The following ACCSL variants were observed in gnomAD, a reference collection of about 807,000 sequenced individuals.
ACCSL encodes probable inactive 1-aminocyclopropane-1-carboxylate synthase-like protein 2.
Under a neutral mutation model 61.7 loss-of-function variants are expected in ACCSL, and 55 were observed. The observed-to-expected ratio is 0.89, with a 90% CI of 0.72 to 1.12. ACCSL has a LOEUF of 1.12. ACCSL is among the 50% of genes most tolerant of loss of function. ACCSL has a pLI of 0.00. For missense variants in ACCSL, 632 were observed against 698.0 expected (o/e 0.91, Z 1.07); for synonymous variants, 258 against 264.3 (o/e 0.98, Z 0.23).
chr11:43,948,067 C>G, the ACCSL span, among the ~76,000 whole-genome samples: 3 of 152,324 alleles, frequency 2.0e-5, no homozygotes, highest in African/African-American at 7.2e-5. Context: ...GCCATCCCAG[C>G]TCTGGCCAAC....
chr11:44,025,421 A>G, the ACCSL span, among the ~76,000 whole-genome samples: 1 of 152,164 alleles, frequency 6.6e-6, no homozygotes, highest in South Asian at 2.1e-4. Context: ...TTTCAATAGT[A>G]TACTATACAA....
the ACCSL span, among the ~76,000 whole-genome samples, chr11:44,012,531 C>T: frequency 6.6e-6 from 1 of 152,160 alleles, no homozygotes; most frequent in Non-Finnish European, 1.5e-5. Flanking sequence ...AGGTGATCCA[C>T]CTGCCTCTGC....
the ACCSL span, among the ~76,000 whole-genome samples, chr11:44,002,409 G>A: frequency 1.7e-4 from 26 of 152,176 alleles, no homozygotes; most frequent in African/African-American, 4.1e-4. Flanking sequence ...GAAGCCCCCC[G>A]CGTGGTTTCT....
the ACCSL span, among the ~76,000 whole-genome samples, chr11:43,958,638 T>C: frequency 6.6e-6 from 1 of 152,236 alleles, no homozygotes; most frequent in South Asian, 2.1e-4. Context: ...ACATTCAGTC[T>C]ATCGGAGGGC....
At position 44,050,129 on chromosome 11, in the gene ACCSL, T is replaced by A; in HGVS notation, c.564+8T>A. 1 of 1,612,636 alleles carries A rather than the reference T, an allele frequency of 6.2e-7. No individual in the cohort carries two copies. Among genetic ancestry groups the A allele is most frequent in the Non-Finnish European group, 8.5e-7 (1 of 1,178,698 alleles). On this transcript the variant is annotated splice_region_variant and intron_variant, in intron 2 of 13. Transcript: ENST00000378832. ...GATCTGATGACTGAAAGAGTAAGGA[T>A]GTTCTGGGCTGTGTTGGGACCCACC...
the ACCSL span, among the ~76,000 whole-genome samples, chr11:43,934,834 C>T: frequency 2.0e-5 from 3 of 152,318 alleles, no homozygotes; most frequent in East Asian, 1.9e-4. Flanking sequence ...CTGTGACTCA[C>T]GCCCAGGTTA....
chr11:43,959,589 G>A, the ACCSL span, among the ~76,000 whole-genome samples: 1 of 152,222 alleles, frequency 6.6e-6, no homozygotes, highest in Non-Finnish European at 1.5e-5. Flanking sequence ...GTCCTGGGCT[G>A]GGACTGGGCG....
the ACCSL span, among the ~76,000 whole-genome samples, chr11:43,928,752 C>A: frequency 1.3e-5 from 2 of 152,246 alleles, no homozygotes; most frequent in South Asian, 4.1e-4. Context: ...AGCTCAGCTC[C>A]TTCTCCCAAG....
the ACCSL span, chr11:43,933,531 G>A: frequency 0.15 from 25,970 of 169,852 alleles, 2,172 homozygotes; most frequent in Middle Eastern, 0.25. Flanking sequence ...ACTTTGCAAA[G>A]CTTAAGGGCC....
the ACCSL span, among the ~76,000 whole-genome samples, chr11:43,939,917 C>T: frequency 6.6e-6 from 1 of 150,572 alleles, no homozygotes. Context: ...AGAGGTCAAC[C>T]TTGATCCCTC....
chr11:43,924,879 G>A, the ACCSL span, among the ~76,000 whole-genome samples: 7 of 152,226 alleles, frequency 4.6e-5, no homozygotes, highest in Admixed American at 2.6e-4. Flanking sequence ...CCATGGGGCC[G>A]TTCAAATGGG....
chr11:43,988,723 A>C, the ACCSL span, among the ~76,000 whole-genome samples: 2 of 151,734 alleles, frequency 1.3e-5, no homozygotes, highest in Non-Finnish European at 2.9e-5. Context: ...AACAGGCTGC[A>C]GGGCAAGAGG....
chr11:44,012,055 T>C, the ACCSL span, among the ~76,000 whole-genome samples: 22 of 152,208 alleles, frequency 1.4e-4, no homozygotes, highest in East Asian at 4.3e-3. Flanking sequence ...CCTTCTAGCC[T>C]TTTTTCTGTC....
At chr11:44,051,059 T>C (rs1275036316) in intron 3 of ACCSL, among the ~76,000 whole-genome samples, 1 of 152,178 alleles carries the variant, frequency 6.6e-6, no homozygotes, top group African/African-American at 2.4e-5. Flanking sequence ...GCCAGCTTGG[T>C]CTTGATCTCC....
chr11:43,983,790 G>A, the ACCSL span, among the ~76,000 whole-genome samples: 1 of 151,968 alleles, frequency 6.6e-6, no homozygotes, highest in East Asian at 1.9e-4. Context: ...GACCTCCTTG[G>A]AGCCCCAATT....
chr11:44,056,410 GC>G, intron 11 of ACCSL, 84 bp downstream of exon 11: 1 of 1,489,894 alleles, frequency 6.7e-7, no homozygotes, highest in South Asian at 1.3e-5. Flanking sequence ...CCTCTGATGT[GC>G]CCTTAATATA....
At chr11:44,012,552 G>T in the ACCSL span, among the ~76,000 whole-genome samples, 1 of 152,140 alleles carries the variant, frequency 6.6e-6, no homozygotes, top group Non-Finnish European at 1.5e-5. Flanking sequence ...CACCCAACGT[G>T]CTGGGATTAT....
the ACCSL span, among the ~76,000 whole-genome samples, chr11:43,961,266 CTT>C: frequency 6.6e-6 from 1 of 152,096 alleles, no homozygotes; most frequent in Non-Finnish European, 1.5e-5. Flanking sequence ...TGTGCTTACT[CTT>C]TTCCTGTGTC....
At chr11:43,961,447 T>C in the ACCSL span, among the ~76,000 whole-genome samples, 1 of 152,152 alleles carries the variant, frequency 6.6e-6, no homozygotes, top group Non-Finnish European at 1.5e-5. Flanking sequence ...TTCTCTCCAA[T>C]GGAATATGAG....
Sources: gnomAD v4.1 joint callset for allele counts (sites outside exome capture counted in the v4.1 genomes callset) on GRCh38, gnomAD v4.1.1 for gene constraint, MANE v1.5 for transcripts, NCBI Gene and HGNC (gene_info 2026-07-23, HGNC 2026-07-21) for gene names.